Variants in MAD1L1 observed in about 807,000 individuals in gnomAD.
MAD1L1 encodes mitotic spindle assembly checkpoint protein MAD1.
In MAD1L1, 95 loss-of-function variants were observed where a neutral mutation model predicts 96.9. The observed-to-expected ratio is 0.98, with a 90% CI of 0.83 to 1.16. MAD1L1 has a LOEUF of 1.16. Ranked by LOEUF, MAD1L1 falls within the 50% of genes most tolerant of loss-of-function variation. The probability of loss-of-function intolerance (pLI) is 0.00; values close to 1 mark genes in which losing one functional copy is unlikely to be tolerated. For missense variants in MAD1L1, 1,007 were observed against 954.4 expected (o/e 1.06, Z -0.73); for synonymous variants, 473 against 396.6 (o/e 1.19, Z -2.29).
intron 11 of MAD1L1, among the ~76,000 whole-genome samples, chr7:2,118,834 C>G (rs1419825822): frequency 1.3e-5 from 2 of 152,216 alleles, no homozygotes; most frequent in African/African-American, 4.8e-5. Flanking sequence ...ACGTGAGGCA[C>G]GCGCAGACAC....
chr7:2,069,450 C>T (rs766322696), intron 11 of MAD1L1, 112 bp from the exon 12 acceptor site: 50 of 1,033,918 alleles, frequency 4.8e-5, no homozygotes, highest in Non-Finnish European at 6.3e-5. Flanking sequence ...TAGAGCTGCA[C>T]GTGCAACCCC....
intron 15 of MAD1L1, among the ~76,000 whole-genome samples, chr7:1,970,061 C>G (rs1288101025): frequency 6.6e-6 from 1 of 152,184 alleles, no homozygotes. Context: ...CTGGATGGAT[C>G]TCGCTCGAGG....
chr7:1,885,127 C>A (rs1296862316), intron 18 of MAD1L1, among the ~76,000 whole-genome samples: 5 of 152,196 alleles, frequency 3.3e-5, no homozygotes, highest in African/African-American at 1.2e-4. Flanking sequence ...GTGGTAGAGT[C>A]ATAGCAGGAC....
rs906380879 is a variant in MAD1L1 at position 1,928,167 on chromosome 7, G to A, written c.1807+8520C>T. ...TAGAGGAGCCCATGACGGAACTCCC[G>A]CCACGCCTGAGACTGTTCCCCACCA... On this transcript the variant is annotated intron_variant, in intron 17 of 18. Coordinates refer to ENST00000265854, the MANE Select transcript of MAD1L1 (RefSeq NM_001013836.2). Among the ~76,000 whole-genome samples, 6 of 147,662 alleles carry A rather than the reference G, an allele frequency of 4.1e-5. No individual in the cohort carries two copies. The South Asian group carries it at 8.7e-4, about 21-fold the overall frequency.
Position 1,857,736 on chromosome 7 carries a change from G to GA in MAD1L1, c.1998+40463dup, listed in dbSNP as rs755439946. Among the ~76,000 whole-genome samples the GA allele has an allele frequency of 5.5e-4, 83 of 152,208 alleles. 1 individual carries two copies. Among genetic ancestry groups the GA allele is most frequent in the Non-Finnish European group, 1.6e-4 (11 of 68,030 alleles). ...GGCCAGGGCTCACCAGGGGCCGGGG[G>GA]ACGTCCTGGTCCTGCTACATCTGAG... On this transcript the variant is annotated intron_variant, in intron 18 of 18. Transcript: ENST00000265854.
intron 12 of MAD1L1, among the ~76,000 whole-genome samples, chr7:2,041,371 GGCTGGGGAAGGGGAGCAGGA>G (rs151034593): frequency 0.15 from 22,115 of 152,148 alleles, 1,996 homozygotes; most frequent in Middle Eastern, 0.29. Context: ...CCTAGTCTGG[GGCTGGGGAAGGGGAGCAGGA>G]GCCCATCCCT....
rs12536039 is a variant in MAD1L1, at chr7:1,827,577, A to C, written c.1999-11349T>G. ...CTCCTGAGCCCGTCCCGGGTGTGGC[A>C]TCCTCCCCTCCTGAGCCCGTCCCGG... On this transcript the variant is annotated intron_variant, in intron 18 of 18. Coordinates refer to ENST00000265854, the MANE Select transcript of MAD1L1 (RefSeq NM_001013836.2). 1.7e-3 allele frequency among the ~76,000 whole-genome samples: 40 copies of C among 24,062 alleles called. 1 individual carries two copies. The highest frequency in any genetic ancestry group is 2.6e-3 in the Admixed American group (6 of 2,290). The allele number at this position is 24,062 out of a possible 152,430, so 15.8% of individuals were successfully genotyped here. A position where few individuals can be genotyped will look rare whatever the true frequency, so the allele number is the denominator to read the frequency against.
rs187312222 is a variant in MAD1L1 at position 1,887,145 on chromosome 7, C to T, written c.1998+11055G>A. The stretch of plus-strand genomic sequence containing the variant: ...GCTGCCTGACTTGCTTTCCCTGCCT[C>T]CTCTGGATCCAGATCACAGAAGCAG... On this transcript the variant is annotated intron_variant, in intron 18 of 18. Transcript: ENST00000265854. Among the ~76,000 whole-genome samples, 53 of 149,518 alleles carry T rather than the reference C, an allele frequency of 3.5e-4. 1 individual carries two copies. The East Asian group carries it at 7.1e-3, about 20-fold the overall frequency.
intron 16 of MAD1L1, among the ~76,000 whole-genome samples, chr7:1,950,367 G>C (rs889250128): frequency 2.0e-5 from 3 of 152,118 alleles, no homozygotes; most frequent in Non-Finnish European, 4.4e-5. Context: ...GCGCCACCTC[G>C]AGGCCCGCAA....
chr7:2,024,789 G>C (rs1344347125), intron 12 of MAD1L1, among the ~76,000 whole-genome samples: 1 of 152,172 alleles, frequency 6.6e-6, no homozygotes, highest in Non-Finnish European at 1.5e-5. Context: ...CTGTATCTAT[G>C]AAAGAAATTA....
intron 5 of MAD1L1, chr7:2,220,910 AG>A: frequency 1.1e-5 from 18 of 1,611,892 alleles, no homozygotes; most frequent in Non-Finnish European, 1.5e-5. Context: ...GGCCAGATGC[AG>A]GGCCGAGCCC....
chr7:2,080,333 T>C (rs1785577748), intron 11 of MAD1L1, among the ~76,000 whole-genome samples: 1 of 152,202 alleles, frequency 6.6e-6, no homozygotes, highest in African/African-American at 2.4e-5. Flanking sequence ...ACCACTACCC[T>C]ATACCACAGA....
chr7:1,864,821 G>A lies in MAD1L1; in HGVS notation c.1998+33379C>T, dbSNP rs140547215. Among the ~76,000 whole-genome samples, 638 of 152,262 alleles carry A rather than the reference G, an allele frequency of 4.2e-3. 6 individuals carry two copies. Among genetic ancestry groups the A allele is most frequent in the African/African-American group, 0.015 (605 of 41,544 alleles). ...CCCCACTCCGCCCCTTTCTCGCTGC[G>A]TACTCTCTGCACACAACAGCTCCCC... On this transcript the variant is annotated intron_variant, in intron 18 of 18. Coordinates refer to ENST00000265854, the MANE Select transcript of MAD1L1 (RefSeq NM_001013836.2).
chr7:2,002,166 G>A, intron 13 of MAD1L1, 45 bp from the exon 14 acceptor site: 1 of 1,589,422 alleles, frequency 6.3e-7, no homozygotes, highest in Non-Finnish European at 8.6e-7. Flanking sequence ...GGTGGGCCAG[G>A]CCCCATTTCT....
Position 1,971,368 on chromosome 7 carries a change from A to G in MAD1L1, c.1505+9085T>C, listed in dbSNP as rs544268707. Reference sequence around the variant, plus strand: ...AATTCTCTCGCACAGAAGTCAAAACATGGCCAACAGTTCACCTTCATTCTC... The same window carrying G: ...AATTCTCTCGCACAGAAGTCAAAACGTGGCCAACAGTTCACCTTCATTCTC... On this transcript the variant is annotated intron_variant, in intron 15 of 18. Coordinates refer to ENST00000265854, the MANE Select transcript of MAD1L1 (RefSeq NM_001013836.2). Among the ~76,000 whole-genome samples, 6 of 152,300 alleles carry G rather than the reference A, an allele frequency of 3.9e-5. No homozygotes were observed. The East Asian group carries it at 1.2e-3, about 29-fold the overall frequency.
intron 10 of MAD1L1, among the ~76,000 whole-genome samples, chr7:2,155,807 C>T (rs58835785): frequency 0.31 from 46,669 of 151,902 alleles, 8,044 homozygotes; most frequent in East Asian, 0.54. Flanking sequence ...TTAATGATCT[C>T]GGGTGGATAC....
chr7:2,140,221 G>A (rs1788960883), intron 11 of MAD1L1, among the ~76,000 whole-genome samples: 1 of 152,174 alleles, frequency 6.6e-6, no homozygotes, highest in East Asian at 1.9e-4. Context: ...GCCTTCCCCA[G>A]GCCAGTGTCC....
intron 18 of MAD1L1, among the ~76,000 whole-genome samples, chr7:1,887,852 T>C (rs956419075): frequency 1.5e-3 from 26 of 17,778 alleles, no homozygotes; most frequent in African/African-American, 0.011. Context: ...CCTGTGCGTG[T>C]GTGTGTGCAC....
chr7:2,009,517 C>T (rs1367421743), intron 13 of MAD1L1, among the ~76,000 whole-genome samples: 2 of 152,298 alleles, frequency 1.3e-5, no homozygotes, highest in East Asian at 1.9e-4. Flanking sequence ...AAGCAGGAGG[C>T]GGCACACCAC....
Sources: allele counts gnomAD v4.1 joint callset (sites outside exome capture counted in the v4.1 genomes callset), GRCh38; gene constraint gnomAD v4.1.1; transcripts MANE v1.5; gene names NCBI Gene and HGNC (gene_info 2026-07-23, HGNC 2026-07-21).